Variants in SUMF1 observed in about 807,000 individuals in gnomAD.
SUMF1 encodes formylglycine-generating enzyme.
Under a neutral mutation model 47.6 loss-of-function variants are expected in SUMF1, and 48 were observed. That is an observed-to-expected ratio of 1.01 (90% CI 0.80 to 1.28). The LOEUF (loss-of-function observed/expected upper bound fraction) is 1.28. Ranked by LOEUF, SUMF1 falls within the 50% of genes most tolerant of loss-of-function variation. The pLI is 0.00. For missense variants in SUMF1, 571 were observed against 485.4 expected (o/e 1.18, Z -1.66); for synonymous variants, 230 against 192.1 (o/e 1.20, Z -1.63).
At chr3:4,154,709 G>A (rs1008852025) in intron 8 of SUMF1, among the ~76,000 whole-genome samples, 4 of 151,482 alleles carry the variant, frequency 2.6e-5, no homozygotes, top group Non-Finnish European at 5.9e-5. Context: ...CCTACTGTGT[G>A]CCCTCTGCTG....
At chr3:4,190,061 T>C (rs543667053) in intron 8 of SUMF1, among the ~76,000 whole-genome samples, 1 of 152,268 alleles carries the variant, frequency 6.6e-6, no homozygotes, top group South Asian at 2.1e-4. Context: ...TTGATATCTA[T>C]AAAGACTTTT....
chr3:4,426,552 G>A lies in SUMF1; in HGVS notation c.520-6406C>T, dbSNP rs563894677. ...CTTGAAAATAAGTGCTATTCTACTAGGTTTAGGAACTTAACAAAACAAACA... is the reference window on the plus strand; with the variant it reads ...CTTGAAAATAAGTGCTATTCTACTAAGTTTAGGAACTTAACAAAACAAACA... On this transcript the variant is annotated intron_variant, in intron 3 of 8. Coordinates refer to ENST00000272902, the MANE Select transcript of SUMF1 (RefSeq NM_182760.4). Among the ~76,000 whole-genome samples, 29 of 152,238 alleles carry A rather than the reference G, an allele frequency of 1.9e-4. No individual in the cohort carries two copies. The East Asian group carries it at 5.4e-3, about 28-fold the overall frequency.
chr3:4,122,590 C>T (rs795307), intron 8 of SUMF1, among the ~76,000 whole-genome samples: 38,964 of 151,944 alleles, frequency 0.26, 5,864 homozygotes, highest in East Asian at 0.4. Flanking sequence ...AACTCATGTC[C>T]ACTGATATGA....
At chr3:4,409,672 A>T (rs1379974068) in intron 7 of SUMF1, among the ~76,000 whole-genome samples, 1 of 152,222 alleles carries the variant, frequency 6.6e-6, no homozygotes, top group African/African-American at 2.4e-5. Context: ...AGAATTTTAC[A>T]ACCTTATTCT....
At chr3:4,335,884 C>A (rs1400014643) in intron 8 of SUMF1, among the ~76,000 whole-genome samples, 1 of 139,566 alleles carries the variant, frequency 7.2e-6, no homozygotes, top group Non-Finnish European at 1.5e-5. Flanking sequence ...TGCTTGAATC[C>A]AGGAGGCAGA....
chr3:4,070,376 C>G (rs1695492158), intron 8 of SUMF1, among the ~76,000 whole-genome samples: 1 of 152,116 alleles, frequency 6.6e-6, no homozygotes, highest in Non-Finnish European at 1.5e-5. Flanking sequence ...TGACTCTTTT[C>G]ATCAACAAAC....
chr3:4,151,421 G>A (rs1487139544), intron 8 of SUMF1, among the ~76,000 whole-genome samples: 3 of 50,996 alleles, frequency 5.9e-5, no homozygotes, highest in Non-Finnish European at 9.4e-5. Context: ...ATGTATATAT[G>A]TGTATACATG....
At chr3:4,431,276 T>C (rs1198141216) in intron 3 of SUMF1, among the ~76,000 whole-genome samples, 4 of 152,210 alleles carry the variant, frequency 2.6e-5, no homozygotes, top group African/African-American at 7.2e-5. Context: ...TTTGGCACAC[T>C]TTCCTCTGAT....
chr3:4,152,425 C>G (rs571334263), intron 8 of SUMF1, among the ~76,000 whole-genome samples: 133 of 151,354 alleles, frequency 8.8e-4, no homozygotes, highest in Non-Finnish European at 1.5e-3. Context: ...GTAGCTAGAA[C>G]TACAGGCACA....
chr3:4,323,506 TA>T (rs147942710), intron 8 of SUMF1, among the ~76,000 whole-genome samples: 1,629 of 152,278 alleles, frequency 0.011, 18 homozygotes, highest in African/African-American at 0.036. Context: ...AAAAGCATTT[TA>T]ATTAGGTGGA....
intron 9 of SUMF1, among the ~76,000 whole-genome samples, chr3:4,060,958 A>G (rs1395636828): frequency 6.6e-6 from 1 of 152,200 alleles, no homozygotes; most frequent in East Asian, 1.9e-4. Flanking sequence ...AGGTCCTTCC[A>G]GCTTTCAAGT....
At chr3:4,252,624 G>C (rs940691665) in intron 8 of SUMF1, among the ~76,000 whole-genome samples, 4 of 152,072 alleles carry the variant, frequency 2.6e-5, no homozygotes, top group Non-Finnish European at 5.9e-5. Flanking sequence ...CAAAAAACTA[G>C]GAAAGTTGAA....
chr3:4,313,934 G>A, intron 8 of SUMF1: 1 of 1,158,498 alleles, frequency 8.6e-7, no homozygotes, highest in East Asian at 2.6e-5. Flanking sequence ...TTTAACAAAA[G>A]TACATGACTA....
chr3:4,303,212 G>C, intron 8 of SUMF1: 2 of 665,622 alleles, frequency 3.0e-6, no homozygotes, highest in East Asian at 3.5e-5. Flanking sequence ...ACGGGAGCCA[G>C]ACCCAAAAAG....
chr3:4,080,374 G>A (rs73806862), intron 8 of SUMF1, among the ~76,000 whole-genome samples: 2,555 of 152,216 alleles, frequency 0.017, 83 homozygotes, highest in African/African-American at 0.055. Flanking sequence ...CACTGGCCAA[G>A]CTGGTATTGA....
intron 8 of SUMF1, among the ~76,000 whole-genome samples, chr3:4,110,510 T>C (rs1693271974): frequency 6.6e-6 from 1 of 152,060 alleles, no homozygotes; most frequent in Non-Finnish European, 1.5e-5. Context: ...CCCAAAGGAT[T>C]ATAAATCATG....
At position 4,184,789 on chromosome 3, in the gene SUMF1, C is replaced by T. The variant is rs1191104221; in HGVS notation, c.1015-116044G>A. On this transcript the variant is annotated intron_variant and NMD_transcript_variant, in intron 8 of 12. Coordinates refer to the SUMF1 transcript ENST00000448413. ...TCAGCCTCTTGAGTAGCTGGGATTA[C>T]AGGCACCTGCCACCATGCTCAGCTA... Among the ~76,000 whole-genome samples, 4 of 151,650 alleles carry T rather than the reference C, an allele frequency of 2.6e-5. No individual in the cohort carries two copies. The East Asian group carries it at 5.9e-4, about 22-fold the overall frequency.
At position 4,467,222 on chromosome 3, in the gene SUMF1, C is replaced by A; in HGVS notation, c.24G>T (p.Leu8=). 2 of 1,611,372 alleles carry A rather than the reference C, an allele frequency of 1.2e-6. No individual in the cohort carries two copies. The highest frequency in any genetic ancestry group is 2.2e-5 in the South Asian group (2 of 90,526). The part of the protein sequence containing the change: MAAPALG[L]VCGRCPELGL... ...CCAGCTCAGGGCAACGTCCACACAC[C>A]AGCCCTAGTGCGGGCGCAGCCATGT... is the stretch of plus-strand genomic sequence containing the variant. Residue 8 remains leucine, a synonymous_variant, in exon 1 of 9, where the codon CTG becomes CTT. Coordinates refer to ENST00000272902, the MANE Select transcript of SUMF1 (RefSeq NM_182760.4).
chr3:4,248,016 G>C (rs1396619145), intron 8 of SUMF1, among the ~76,000 whole-genome samples: 1 of 152,180 alleles, frequency 6.6e-6, no homozygotes, highest in Non-Finnish European at 1.5e-5. Flanking sequence ...AAAATATTTT[G>C]TAAAATGCAA....
Sources: allele counts gnomAD v4.1 joint callset (sites outside exome capture counted in the v4.1 genomes callset), GRCh38; gene constraint gnomAD v4.1.1; transcripts MANE v1.5; gene names NCBI Gene and HGNC (gene_info 2026-07-23, HGNC 2026-07-21).